The following CNTNAP5 variants were observed in gnomAD, a reference collection of about 807,000 sequenced individuals.
CNTNAP5 encodes the protein contactin-associated protein-like 5.
In CNTNAP5, 72 loss-of-function variants were observed where a neutral mutation model predicts 150.2. That is an observed-to-expected ratio of 0.48 (90% CI 0.40 to 0.58). CNTNAP5 has a LOEUF of 0.58. CNTNAP5 is among the 20% of genes least tolerant of loss of function. CNTNAP5 has a pLI of 0.00. For missense variants in CNTNAP5, 1,636 were observed against 1,626.2 expected (o/e 1.01, Z -0.10); for synonymous variants, 672 against 619.8 (o/e 1.08, Z -1.25).
At chr2:124,312,715 C>T (rs951187992) in intron 3 of CNTNAP5, among the ~76,000 whole-genome samples, 7 of 152,192 alleles carry the variant, frequency 4.6e-5, no homozygotes, top group Non-Finnish European at 7.3e-5. Flanking sequence ...GGACTACAGG[C>T]GCTCGCCACA....
chr2:124,784,175 A>C (rs545275937), intron 17 of CNTNAP5, among the ~76,000 whole-genome samples: 4 of 152,170 alleles, frequency 2.6e-5, no homozygotes, highest in African/African-American at 4.8e-5. Flanking sequence ...GTGGGAGGGA[A>C]GAAGGGAGGA....
rs189554616 is a variant in CNTNAP5 at position 124,469,584 on chromosome 2, T to C, written c.919-5155T>C. On this transcript the variant is annotated intron_variant, in intron 6 of 23. Coordinates refer to ENST00000682447, the MANE Select transcript of CNTNAP5 (RefSeq NM_001367498.1). ...TTTTTTTTTACATTTTTAAATTTTA[T>C]GTTAAGTTCAGGGGTAAATGTGCAG... 2.1e-3 allele frequency among the ~76,000 whole-genome samples: 309 copies of C among 150,272 alleles called. 6 individuals carry two copies. The highest frequency in any genetic ancestry group is 1.3e-3 in the Non-Finnish European group (90 of 67,968).
chr2:124,453,987 A>G (rs542374242), intron 6 of CNTNAP5, among the ~76,000 whole-genome samples: 1 of 152,288 alleles, frequency 6.6e-6, no homozygotes, highest in South Asian at 2.1e-4. Context: ...TGAAAAAACA[A>G]AAACAAAAAA....
Position 124,243,151 on chromosome 2 carries a change from C to T in CNTNAP5, c.381+758C>T, listed in dbSNP as rs1159453953. ...AGCAAAAGTCACCTGGAGGTAGCTT[C>T]AGAACCTCAGGCACTGAATAAAATA... On this transcript the variant is annotated intron_variant, in intron 3 of 23. Coordinates refer to ENST00000682447, the MANE Select transcript of CNTNAP5 (RefSeq NM_001367498.1). Among the ~76,000 whole-genome samples the T allele has an allele frequency of 2.0e-5, 3 of 152,142 alleles. No individual in the cohort carries two copies. In the East Asian group the frequency reaches 5.8e-4, roughly 29 times the overall value.
At chr2:124,295,374 T>G (rs1357415008) in intron 3 of CNTNAP5, among the ~76,000 whole-genome samples, 11 of 152,204 alleles carry the variant, frequency 7.2e-5, no homozygotes, top group Non-Finnish European at 5.9e-5. Flanking sequence ...GTTTCAGCCT[T>G]GTATGCTCGA....
At chr2:124,275,058 G>A (rs1363062915) in intron 3 of CNTNAP5, among the ~76,000 whole-genome samples, 1 of 152,156 alleles carries the variant, frequency 6.6e-6, no homozygotes, top group Non-Finnish European at 1.5e-5. Flanking sequence ...CAGGCAAAGA[G>A]AGAGAACTTG....
chr2:124,477,825 A>C (rs577162136), intron 7 of CNTNAP5, among the ~76,000 whole-genome samples: 1 of 152,186 alleles, frequency 6.6e-6, no homozygotes, highest in African/African-American at 2.4e-5. Flanking sequence ...CACTACATTG[A>C]AATCATGCAC....
rs182058986 is a variant in CNTNAP5, at chr2:124,556,006, A to T, written c.1650-7211A>T. 1.6e-3 allele frequency among the ~76,000 whole-genome samples: 250 copies of T among 152,354 alleles called. 2 individuals are homozygous for T. The highest frequency in any genetic ancestry group is 3.1e-3 in the Admixed American group (48 of 15,298). ...CCTACCAAAAATTATCTTTAAAAAA[A>T]ATCTAAACTGACAACTCCACATTGC... is the stretch of plus-strand genomic sequence containing the variant. On this transcript the variant is annotated intron_variant, in intron 10 of 23. Transcript: ENST00000682447.
chr2:124,687,924 G>T lies in CNTNAP5; in HGVS notation c.2077+39966G>T, dbSNP rs960926089. Among the ~76,000 whole-genome samples, 8 of 152,018 alleles carry T rather than the reference G, an allele frequency of 5.3e-5. 1 individual carries two copies. The highest frequency in any genetic ancestry group is 1.7e-4 in the African/African-American group (7 of 41,390). ...TCAAATTATGTATTCAAAAATTGAA[G>T]AATTTATTCAAGTACATTTTACTAG... On this transcript the variant is annotated intron_variant, in intron 13 of 23. Transcript: ENST00000682447.
chr2:124,224,031 G>A (rs1686396579), intron 2 of CNTNAP5, among the ~76,000 whole-genome samples: 1 of 151,890 alleles, frequency 6.6e-6, no homozygotes, highest in African/African-American at 2.4e-5. Context: ...CTCATCCCAG[G>A]GCTGTGCATT....
chr2:124,905,597 A>G (rs1288560470), intron 22 of CNTNAP5, among the ~76,000 whole-genome samples: 2 of 152,136 alleles, frequency 1.3e-5, no homozygotes, highest in Admixed American at 6.5e-5. Flanking sequence ...TGATAAGGTG[A>G]CAGGCATGAG....
At chr2:124,710,722 T>G (rs13003322) in intron 13 of CNTNAP5, among the ~76,000 whole-genome samples, 24,760 of 152,198 alleles carry the variant, frequency 0.16, 2,291 homozygotes, top group East Asian at 0.24. Context: ...CCTTCAAAAC[T>G]TTTCTGAAAT....
chr2:124,652,723 A>G (rs138879557), intron 13 of CNTNAP5, among the ~76,000 whole-genome samples: 454 of 152,116 alleles, frequency 3.0e-3, no homozygotes, highest in African/African-American at 0.01. Flanking sequence ...CTATCCCACA[A>G]TTCTCTTGCA....
At chr2:124,423,822 G>A (rs1482903569) in intron 4 of CNTNAP5, among the ~76,000 whole-genome samples, 2 of 141,928 alleles carry the variant, frequency 1.4e-5, no homozygotes, top group East Asian at 2.2e-4. Flanking sequence ...CCGCTACCAC[G>A]CCCGGCTAAT....
At chr2:124,731,445 G>A (rs945002235) in intron 13 of CNTNAP5, among the ~76,000 whole-genome samples, 7 of 151,464 alleles carry the variant, frequency 4.6e-5, no homozygotes, top group Non-Finnish European at 8.8e-5. Flanking sequence ...TTGTCGAATC[G>A]ATTGTGCTAA....
chr2:124,394,562 T>C (rs1691199081), intron 3 of CNTNAP5, among the ~76,000 whole-genome samples: 1 of 152,060 alleles, frequency 6.6e-6, no homozygotes, highest in African/African-American at 2.4e-5. Flanking sequence ...AAATGGCATA[T>C]TAACAAGAAG....
chr2:124,271,526 T>C (rs1687751622), intron 3 of CNTNAP5, among the ~76,000 whole-genome samples: 1 of 152,158 alleles, frequency 6.6e-6, no homozygotes, highest in South Asian at 2.1e-4. Context: ...GCAGGACTGA[T>C]GGAAGGAAAA....
At chr2:124,598,961 T>C (rs1484305595) in intron 11 of CNTNAP5, among the ~76,000 whole-genome samples, 1 of 152,046 alleles carries the variant, frequency 6.6e-6, no homozygotes. Context: ...CCCTGACCCC[T>C]TGCGCTTCCC....
chr2:124,888,595 C>G (rs1573689841), intron 21 of CNTNAP5, among the ~76,000 whole-genome samples: 1 of 152,062 alleles, frequency 6.6e-6, no homozygotes, highest in Non-Finnish European at 1.5e-5. Flanking sequence ...TTTCTCCAAG[C>G]CTCATCAATG....
Sources: gnomAD v4.1 joint callset for allele counts (sites outside exome capture counted in the v4.1 genomes callset) on GRCh38, gnomAD v4.1.1 for gene constraint, MANE v1.5 for transcripts, NCBI Gene and HGNC (gene_info 2026-07-23, HGNC 2026-07-21) for gene names.